CNTNAP5: variants seen among roughly 807,000 people sequenced by gnomAD.
CNTNAP5 encodes the protein contactin associated protein family member 5.
Under a neutral mutation model 150.2 loss-of-function variants are expected in CNTNAP5, and 72 were observed. That is an observed-to-expected ratio of 0.48 (90% confidence interval 0.40 to 0.58). The LOEUF (loss-of-function observed/expected upper bound fraction) is 0.58. Ranked by LOEUF, CNTNAP5 falls within the 20% of genes least tolerant of loss-of-function variation. The pLI is 0.00. For missense variants in CNTNAP5, 1,636 were observed against 1,626.2 expected, an observed-to-expected ratio of 1.01 and a Z score of -0.10; for synonymous variants, 672 against 619.8, an observed-to-expected ratio of 1.08 and a Z score of -1.25.
At chr2:124,030,031 T>C (rs191640052) in intron 1 of CNTNAP5, among the ~76,000 whole-genome samples, 1 of 152,240 alleles carries the variant, frequency 6.6e-6, no homozygotes, top group African/African-American at 2.4e-5. Context: ...TCTTCATTCA[T>C]CAAAACTCTG....
At chr2:124,519,066 G>GA (rs942939465) in intron 8 of CNTNAP5, among the ~76,000 whole-genome samples, 2 of 148,720 alleles carry the variant, frequency 1.3e-5, no homozygotes, top group Non-Finnish European at 3.0e-5. Flanking sequence ...TTATGCTAAG[G>GA]AAAAAATGCC....
At chr2:124,334,130 C>A (rs1203324132) in intron 3 of CNTNAP5, among the ~76,000 whole-genome samples, 1 of 152,034 alleles carries the variant, frequency 6.6e-6, no homozygotes, top group African/African-American at 2.4e-5. Flanking sequence ...CCCAAAAATG[C>A]GTTGTGTGGT....
intron 10 of CNTNAP5, among the ~76,000 whole-genome samples, chr2:124,529,871 G>A (rs556091459): frequency 5.9e-5 from 9 of 152,252 alleles, no homozygotes; most frequent in Non-Finnish European, 1.0e-4. Flanking sequence ...CCTCTTTGTG[G>A]TTGTCCTACC....
At chr2:124,466,508 G>C (rs1693381521) in intron 6 of CNTNAP5, among the ~76,000 whole-genome samples, 1 of 152,034 alleles carries the variant, frequency 6.6e-6, no homozygotes, top group African/African-American at 2.4e-5. Context: ...TCCACCACAG[G>C]GCTTTGAATC....
chr2:124,373,854 A>G (rs1043537397), intron 3 of CNTNAP5, among the ~76,000 whole-genome samples: 8 of 148,268 alleles, frequency 5.4e-5, no homozygotes, highest in African/African-American at 1.8e-4. Flanking sequence ...TAAAAATTTT[A>G]ATAGGCATAT....
At chr2:124,192,102 A>G (rs1270371655) in intron 1 of CNTNAP5, among the ~76,000 whole-genome samples, 1 of 152,080 alleles carries the variant, frequency 6.6e-6, no homozygotes, top group Non-Finnish European at 1.5e-5. Flanking sequence ...GCTTTGTGTC[A>G]AACTTGCAGA....
rs561898298 is a variant in CNTNAP5 at position 124,400,600 on chromosome 2, A to G, written c.382-16843A>G. On this transcript the variant is annotated intron_variant, in intron 3 of 23. Coordinates refer to ENST00000682447, the MANE Select transcript of CNTNAP5 (RefSeq NM_001367498.1). ...GCTGCCCTGCCTACTCCCATGCTCT[A>G]GTTCCCTACCTCATTGGCAAGAAAG... Among the ~76,000 whole-genome samples, 23 of 150,318 alleles carry G rather than the reference A, an allele frequency of 1.5e-4. No individual in the cohort carries two copies. The East Asian group carries it at 4.6e-3, about 30-fold the overall frequency.
At chr2:124,331,822 A>C (rs1382367880) in intron 3 of CNTNAP5, among the ~76,000 whole-genome samples, 1 of 152,010 alleles carries the variant, frequency 6.6e-6, no homozygotes, top group Non-Finnish European at 1.5e-5. Context: ...TGTCTCTCTC[A>C]CTCATCCTCT....
intron 1 of CNTNAP5, among the ~76,000 whole-genome samples, chr2:124,055,627 G>A (rs896144645): frequency 3.7e-5 from 2 of 54,138 alleles, no homozygotes; most frequent in Non-Finnish European, 8.2e-5. Flanking sequence ...TGGAAACTGA[G>A]AGAATCCCAA....
intron 22 of CNTNAP5, among the ~76,000 whole-genome samples, chr2:124,903,859 G>A (rs1678468686): frequency 1.3e-5 from 2 of 152,008 alleles, no homozygotes; most frequent in Non-Finnish European, 2.9e-5. Flanking sequence ...TTCGAGACCA[G>A]TCTGGCCAAC....
chr2:124,267,968 G>A (rs1163994271), intron 3 of CNTNAP5, among the ~76,000 whole-genome samples: 1 of 152,198 alleles, frequency 6.6e-6, no homozygotes, highest in Non-Finnish European at 1.5e-5. Flanking sequence ...AGGGAGGGGT[G>A]CAGATGGAGT....
At chr2:124,223,634 A>C (rs921002575) in intron 2 of CNTNAP5, among the ~76,000 whole-genome samples, 2 of 151,880 alleles carry the variant, frequency 1.3e-5, no homozygotes, top group Admixed American at 1.3e-4. Context: ...ACTGCCTAAT[A>C]GCTCCTGAGC....
chr2:124,845,051 G>T (rs1419627981), intron 19 of CNTNAP5, among the ~76,000 whole-genome samples: 1 of 152,016 alleles, frequency 6.6e-6, no homozygotes, highest in South Asian at 2.1e-4. Context: ...TCCTTGTCTT[G>T]TTCCAGTTCT....
chr2:124,383,648 T>A (rs993152528), intron 3 of CNTNAP5, among the ~76,000 whole-genome samples: 1 of 152,206 alleles, frequency 6.6e-6, no homozygotes, highest in Non-Finnish European at 1.5e-5. Context: ...AACCTCTATT[T>A]CTTTACTAGC....
chr2:124,323,927 G>A (rs1689157646), intron 3 of CNTNAP5, among the ~76,000 whole-genome samples: 1 of 152,068 alleles, frequency 6.6e-6, no homozygotes, highest in Non-Finnish European at 1.5e-5. Flanking sequence ...GAGAGCAATA[G>A]AGATTTGAGG....
intron 19 of CNTNAP5, among the ~76,000 whole-genome samples, chr2:124,827,291 A>G (rs1417352210): frequency 6.6e-6 from 1 of 152,104 alleles, no homozygotes; most frequent in East Asian, 1.9e-4. Context: ...ATCCTGTGGC[A>G]CACTGTGTGC....
intron 1 of CNTNAP5, among the ~76,000 whole-genome samples, chr2:124,218,874 AT>A: frequency 6.6e-6 from 1 of 152,062 alleles, no homozygotes; most frequent in Non-Finnish European, 1.5e-5. Context: ...TCATCAGTTT[AT>A]TTATTTGTTT....
chr2:124,160,524 CT>C (rs56208953), intron 1 of CNTNAP5, among the ~76,000 whole-genome samples: 133,639 of 147,256 alleles, frequency 0.91, 60,111 homozygotes, highest in East Asian at 1. Context: ...CTGTCTTTGC[CT>C]TTTTTTTTTT....
At chr2:124,902,455 A>G (rs775045509) in intron 21 of CNTNAP5, among the ~76,000 whole-genome samples, 1 of 152,106 alleles carries the variant, frequency 6.6e-6, no homozygotes, top group Non-Finnish European at 1.5e-5. Context: ...CTCTTGCTAC[A>G]TTTTTGAGTG....
Sources: gnomAD v4.1 joint callset for allele counts (sites outside exome capture counted in the v4.1 genomes callset) on GRCh38, gnomAD v4.1.1 for gene constraint, MANE v1.5 for transcripts, NCBI Gene and HGNC (gene_info 2026-07-23, HGNC 2026-07-21) for gene names.